The following SMG1 variants were observed in gnomAD, a reference collection of about 807,000 sequenced individuals.
SMG1 encodes SMG1 nonsense mediated mRNA decay associated PI3K related kinase, also known as serine/threonine-protein kinase SMG1.
In SMG1, 22 loss-of-function variants were observed where a neutral mutation model predicts 419.9. That is an observed-to-expected ratio of 0.05 (90% confidence interval 0.04 to 0.07). The LOEUF is 0.07. SMG1 is among the 10% of genes least tolerant of loss of function. The pLI, the probability that SMG1 is intolerant of heterozygous loss-of-function variation, is 1.00. For synonymous variants in SMG1, 1,538 were observed against 1,553.5 expected (o/e 0.99, Z 0.23); for missense variants, 3,185 against 4,342.0 (o/e 0.73, Z 7.49).
At chr16:18,840,860 CAAGTT>C (rs1444001245) in intron 41 of SMG1, among the ~76,000 whole-genome samples, 3 of 152,282 alleles carry the variant, frequency 2.0e-5, no homozygotes, top group Admixed American at 6.5e-5. Flanking sequence ...AAATTTGTCT[CAAGTT>C]AAGATAAACC....
intron 3 of SMG1, among the ~76,000 whole-genome samples, chr16:18,894,040 G>A (rs932448651): frequency 6.7e-6 from 1 of 149,558 alleles, no homozygotes; most frequent in African/African-American, 2.5e-5. Flanking sequence ...CTGGGTGACA[G>A]GGAGATACTC....
At position 18,925,119 on chromosome 16, in the gene SMG1, T is replaced by C. The variant is rs1156248625; in HGVS notation, c.92+831A>G. The C allele has an allele frequency of 2.0e-5, 3 of 152,322 alleles. No homozygotes were observed. In the East Asian group the frequency reaches 5.8e-4, roughly 29 times the overall value. 9.4% of individuals were successfully genotyped at this position (152,322 alleles called of 1,614,324 possible). ...ATTAAGAGAGATTAGAATAAATCAGTCCTAAATTAGGCACAGCTGCCCTCC... is the reference window on the plus strand; with the variant it reads ...ATTAAGAGAGATTAGAATAAATCAGCCCTAAATTAGGCACAGCTGCCCTCC... On this transcript the variant is annotated intron_variant, in intron 1 of 62. Coordinates refer to ENST00000446231, the MANE Select transcript of SMG1 (RefSeq NM_015092.5).
At chr16:18,859,800 G>C (rs2035117652) in intron 26 of SMG1, 97 bp from the exon 27 acceptor site, 2 of 753,268 alleles carry the variant, frequency 2.7e-6, no homozygotes, top group Admixed American at 2.9e-5. Context: ...CCAATGAACA[G>C]CTCCTTTAAT....
Position 18,829,300 on chromosome 16 carries a change from T to A in SMG1, c.9589A>T (p.Ile3197Phe). The A allele has an allele frequency of 6.2e-7, 1 of 1,611,384 alleles. No homozygotes were observed. The highest frequency in any genetic ancestry group is 8.5e-7 in the Non-Finnish European group (1 of 1,177,778). The change falls in exon 54 of 63, where the codon ATT becomes TTT. Residue 3197 changes from isoleucine to phenylalanine, a missense_variant. Physicochemically the swap from Ile to Phe is conservative, Grantham distance 21. This residue lies in a region of SMG1 where 737 missense variants were observed against 846.6 expected (regional missense o/e 0.87). Transcript: ENST00000446231. ...KTSLQRVQLH[I>F]AMFQWQHEDL... ...AAAACACTTACCTGAAACATGGCAATATGCAGCTGAACCCGCTGCAGGCTT... is the reference window on the plus strand; with the variant it reads ...AAAACACTTACCTGAAACATGGCAAAATGCAGCTGAACCCGCTGCAGGCTT...
chr16:18,860,220 C>T (rs2035142561), intron 26 of SMG1, among the ~76,000 whole-genome samples: 1 of 152,150 alleles, frequency 6.6e-6, no homozygotes, highest in Non-Finnish European at 1.5e-5. Context: ...TCTGTCTCAA[C>T]AAAAAAGAAA....
intron 6 of SMG1, among the ~76,000 whole-genome samples, chr16:18,886,342 C>G (rs2141755730): frequency 6.6e-6 from 1 of 152,166 alleles, no homozygotes; most frequent in Non-Finnish European, 1.5e-5. Flanking sequence ...TACCATTATA[C>G]ATAAATTTTT....
In SMG1 at chr16:18,811,749, A is replaced by T; in HGVS notation, c.10908+12T>A. The T allele has an allele frequency of 6.2e-7, 1 of 1,612,446 alleles. No individual in the cohort carries two copies. The highest frequency in any genetic ancestry group is 1.7e-4 in the Middle Eastern group (1 of 6,058). ...CATTAAAATGTGTAGCCCAAGTTTA[A>T]AACACGGTCACCTGTTCAGCAACTG... is the stretch of plus-strand genomic sequence containing the variant. On this transcript the variant is annotated intron_variant, in intron 62 of 62. Transcript: ENST00000446231.
chr16:18,842,545 G>A, intron 39 of SMG1, 91 bp from the exon 40 acceptor site: 1 of 1,332,854 alleles, frequency 7.5e-7, no homozygotes, highest in African/African-American at 1.4e-5. Flanking sequence ...TAAATTTTAG[G>A]TCACGGCGGC....
intron 3 of SMG1, among the ~76,000 whole-genome samples, chr16:18,893,229 C>T (rs1469751361): frequency 6.6e-6 from 1 of 152,246 alleles, no homozygotes; most frequent in East Asian, 1.9e-4. Flanking sequence ...CATGCCTCCA[C>T]TAGAAAGGTA....
chr16:18,834,604 C>T (rs897074007), intron 49 of SMG1, among the ~76,000 whole-genome samples, 166 bp from the exon 50 acceptor site: 1 of 152,116 alleles, frequency 6.6e-6, no homozygotes, highest in Admixed American at 6.6e-5. Context: ...TGGCAAAACC[C>T]CATCTCTACC....
intron 1 of SMG1, among the ~76,000 whole-genome samples, chr16:18,902,522 T>C (rs2037387565): frequency 6.6e-6 from 1 of 151,804 alleles, no homozygotes; most frequent in South Asian, 2.1e-4. Context: ...GGCAATATGG[T>C]GAAACTGTCT....
At chr16:18,901,282 G>A (rs945165101) in intron 1 of SMG1, among the ~76,000 whole-genome samples, 16 of 152,120 alleles carry the variant, frequency 1.1e-4, no homozygotes, top group Non-Finnish European at 1.6e-4. Context: ...GGAGTGCACT[G>A]GCATGACCAT....
At position 18,830,021 on chromosome 16, in the gene SMG1, T is replaced by G; in HGVS notation, c.9038A>C (p.His3013Pro). ...GAAAATCTCTTCTAGCACCTGCCGG[T>G]GATTATCATCATCAAAAAAATTAAC... ...TQVNFFDDDNHRQVLEEIFFL... is the reference protein window; with the variant it reads ...TQVNFFDDDNPRQVLEEIFFL... The change falls in exon 53 of 63, where the codon CAC (histidine) becomes CCC (proline). Residue 3013 changes from histidine to proline, a missense_variant. Transcript: ENST00000446231. 1.3e-6 allele frequency: 2 copies of G among 1,596,726 alleles called. No individual in the cohort carries two copies. Among genetic ancestry groups the G allele is most frequent in the East Asian group, 2.2e-5 (1 of 44,560 alleles).
In SMG1 at chr16:18,877,145, G is replaced by C; in HGVS notation, c.1606C>G (p.His536Asp). ...PSSKLLFLRY[H>D]KEKEVVAVAH... Reference sequence around the variant, plus strand: ...GTATTACTTACCTCTTTTTCTTTATGATAACGCAAGAATAGTAGTTTAGAT... The same window carrying C: ...GTATTACTTACCTCTTTTTCTTTATCATAACGCAAGAATAGTAGTTTAGAT... Residue 536 changes from histidine to aspartate, a missense_variant, in exon 12 of 63, where the codon CAT (histidine) becomes GAT (aspartate). Transcript: ENST00000446231. 6.5e-7 allele frequency: 1 copy of C among 1,545,936 alleles called. No homozygotes were observed. The highest frequency in any genetic ancestry group is 1.9e-5 in the Admixed American group (1 of 53,700).
intron 15 of SMG1, among the ~76,000 whole-genome samples, chr16:18,871,869 G>A (rs1033553017): frequency 1.7e-4 from 25 of 151,406 alleles, no homozygotes; most frequent in African/African-American, 5.3e-4. Context: ...AACCTAGGAG[G>A]CAGAGGTTGC....
At chr16:18,835,399 G>C (rs2033492911) in intron 48 of SMG1, among the ~76,000 whole-genome samples, 1 of 152,166 alleles carries the variant, frequency 6.6e-6, no homozygotes, top group African/African-American at 2.4e-5. Flanking sequence ...TAGCACTTTG[G>C]GAGGCCAAGG....
At chr16:18,847,401 T>C in intron 38 of SMG1, 52 bp downstream of exon 38, 1 of 1,597,342 alleles carries the variant, frequency 6.3e-7, no homozygotes, top group Non-Finnish European at 8.6e-7. Flanking sequence ...TATTTATACT[T>C]TGAAACAAAG....
intron 48 of SMG1, 57 bp downstream of exon 48, chr16:18,835,876 G>A: frequency 6.7e-7 from 1 of 1,498,304 alleles, no homozygotes; most frequent in Non-Finnish European, 9.0e-7. Context: ...TCCAGCCTGG[G>A]TGACAGAACA....
Position 18,841,638 on chromosome 16 carries a change from A to G in SMG1, c.6623T>C (p.Val2208Ala), listed in dbSNP as rs1389023616. ...ACCAAATAAGGGTGTGGCTCCATCT[A>G]CCCACTGGATTAGTCCTGATCTTGT... ...LGTRSGLIQWVDGATPLFGLY... is the reference protein window; with the variant it reads ...LGTRSGLIQWADGATPLFGLY... The change falls in exon 41 of 63, where the codon GTA (valine) becomes GCA (alanine). Residue 2208 changes from valine (V) to alanine (A), a missense_variant. Val to Ala is a moderately conservative substitution (Grantham distance 64, BLOSUM62 0). Coordinates refer to ENST00000446231, the MANE Select transcript of SMG1 (RefSeq NM_015092.5). 1 of 1,613,898 alleles carries G rather than the reference A, an allele frequency of 6.2e-7. No individual in the cohort carries two copies. The highest frequency in any genetic ancestry group is 2.2e-5 in the East Asian group (1 of 44,882).
Sources: allele counts gnomAD v4.1 joint callset (sites outside exome capture counted in the v4.1 genomes callset), GRCh38; gene constraint gnomAD v4.1.1; regional missense constraint gnomAD v4.1.1; transcripts MANE v1.5; gene names NCBI Gene and HGNC (gene_info 2026-07-23, HGNC 2026-07-21).